The following XPO4 variants were observed in gnomAD, a reference collection of about 807,000 sequenced individuals.
XPO4 encodes the protein exportin-4.
XPO4 carries 39 observed loss-of-function variants against 143.0 expected under a neutral mutation model. That is an observed-to-expected ratio of 0.27 (90% CI 0.21 to 0.36). The LOEUF (loss-of-function observed/expected upper bound fraction) is 0.36. XPO4 is among the 10% of genes least tolerant of loss of function. The pLI, the probability that XPO4 is intolerant of heterozygous loss-of-function variation, is 1.00. For missense variants in XPO4, 907 were observed against 1,348.0 expected, an observed-to-expected ratio of 0.67 and a Z score of 5.12; for synonymous variants, 439 against 474.0, an observed-to-expected ratio of 0.93 and a Z score of 0.96.
At chr13:20,828,068 C>T (rs759578227) in intron 6 of XPO4, among the ~76,000 whole-genome samples, 3 of 152,124 alleles carry the variant, frequency 2.0e-5, no homozygotes, top group Non-Finnish European at 2.9e-5. Flanking sequence ...TGAAACCCAT[C>T]TCTACTAAAA....
At chr13:20,849,202 T>G (rs1304209641) in intron 4 of XPO4, 1 of 985,320 alleles carries the variant, frequency 1.0e-6, no homozygotes, top group Non-Finnish European at 1.2e-6. Context: ...ATAAACTTTA[T>G]GAAAGGTTGC....
intron 18 of XPO4, among the ~76,000 whole-genome samples, chr13:20,791,935 C>G (rs562644513): frequency 6.6e-6 from 1 of 152,276 alleles, no homozygotes; most frequent in Non-Finnish European, 1.5e-5. Flanking sequence ...CAGGAGTCAC[C>G]AAATGTTCCC....
chr13:20,887,001 C>T (rs915659414), intron 1 of XPO4, among the ~76,000 whole-genome samples: 1 of 151,656 alleles, frequency 6.6e-6, no homozygotes, highest in Admixed American at 6.6e-5. Context: ...ACCTGGGAGG[C>T]GGAGGTTGCA....
chr13:20,869,053 T>C (rs2060269480), intron 1 of XPO4, among the ~76,000 whole-genome samples: 1 of 152,158 alleles, frequency 6.6e-6, no homozygotes, highest in Non-Finnish European at 1.5e-5. Context: ...TTGGACTAAC[T>C]TGACCTAGTT....
At chr13:20,834,622 C>A (rs1197507290) in intron 6 of XPO4, among the ~76,000 whole-genome samples, 1 of 150,244 alleles carries the variant, frequency 6.7e-6, no homozygotes, top group African/African-American at 2.5e-5. Context: ...GCTCTGGAAA[C>A]TATAAAACAG....
At chr13:20,852,183 G>C in intron 4 of XPO4, 2 of 985,408 alleles carry the variant, frequency 2.0e-6, no homozygotes, top group Non-Finnish European at 2.4e-6. Flanking sequence ...GTCATAAATA[G>C]ATAGATCTCA....
At chr13:20,792,443 C>A (rs2059296402) in intron 18 of XPO4, among the ~76,000 whole-genome samples, 1 of 151,986 alleles carries the variant, frequency 6.6e-6, no homozygotes, top group Non-Finnish European at 1.5e-5. Flanking sequence ...AAGGCGGGCA[C>A]CTATAGTCCC....
intron 9 of XPO4, among the ~76,000 whole-genome samples, chr13:20,821,297 C>T (rs1350182875): frequency 2.2e-5 from 3 of 138,522 alleles, no homozygotes; most frequent in East Asian, 2.7e-4. Context: ...ATAAGTCCAA[C>T]GTAAAAAATT....
intron 1 of XPO4, among the ~76,000 whole-genome samples, chr13:20,881,373 A>G (rs1346851466): frequency 6.6e-6 from 1 of 151,906 alleles, no homozygotes; most frequent in East Asian, 1.9e-4. Context: ...GGTTCATGCC[A>G]TTCTCCTGCC....
chr13:20,802,343 C>A (rs2059445863), intron 13 of XPO4, among the ~76,000 whole-genome samples: 1 of 152,196 alleles, frequency 6.6e-6, no homozygotes, highest in Non-Finnish European at 1.5e-5. Flanking sequence ...CAGGCATAAA[C>A]CACCATGCCC....
chr13:20,821,310 CA>C (rs11414490), intron 9 of XPO4, among the ~76,000 whole-genome samples: 14,235 of 142,514 alleles, frequency 0.1, 811 homozygotes, highest in Non-Finnish European at 0.14. Context: ...AAAAAATTCT[CA>C]AAAAAAAAAA....
At chr13:20,812,348 AT>A (rs2059593071) in intron 9 of XPO4, among the ~76,000 whole-genome samples, 1 of 152,160 alleles carries the variant, frequency 6.6e-6, no homozygotes, top group Non-Finnish European at 1.5e-5. Flanking sequence ...ATGGCAGATC[AT>A]TGAGGATGAA....
At chr13:20,857,153 T>C (rs557197676) in intron 3 of XPO4, among the ~76,000 whole-genome samples, 6 of 152,328 alleles carry the variant, frequency 3.9e-5, no homozygotes, top group African/African-American at 9.6e-5. Flanking sequence ...AGAATATTAG[T>C]TGGCCAAAGG....
chr13:20,845,415 C>G (rs900551641), intron 4 of XPO4, among the ~76,000 whole-genome samples: 3 of 152,174 alleles, frequency 2.0e-5, no homozygotes, highest in African/African-American at 7.2e-5. Context: ...TAAACACACA[C>G]ATTTTGTAAT....
chr13:20,852,910 C>T (rs2138092916), intron 4 of XPO4: 1 of 985,366 alleles, frequency 1.0e-6, no homozygotes, highest in South Asian at 4.7e-5. Flanking sequence ...GGGATTACCA[C>T]TACTTATCAA....
At chr13:20,887,962 G>A (rs554270484) in intron 1 of XPO4, among the ~76,000 whole-genome samples, 1 of 152,076 alleles carries the variant, frequency 6.6e-6, no homozygotes, top group East Asian at 1.9e-4. Flanking sequence ...ATCACTTGAG[G>A]TCAGGAGATC....
In XPO4 at chr13:20,840,703, G is replaced by C. The variant is rs553632731; in HGVS notation, c.727+2192C>G. Among the ~76,000 whole-genome samples, 19 of 152,228 alleles carry C rather than the reference G, an allele frequency of 1.2e-4. No individual in the cohort carries two copies. The South Asian group carries it at 3.9e-3, about 32-fold the overall frequency. On this transcript the variant is annotated intron_variant, in intron 6 of 22. Transcript: ENST00000255305. ...GTTCCTTGAAATTGATTTCCCTAAT[G>C]AGTGCTAAATCTGTAGCTTAGTTTA...
At chr13:20,831,370 C>T (rs1472451027) in intron 6 of XPO4, among the ~76,000 whole-genome samples, 1 of 152,132 alleles carries the variant, frequency 6.6e-6, no homozygotes, top group Non-Finnish European at 1.5e-5. Context: ...CTGCACATTA[C>T]ATTGTTTTAT....
At chr13:20,799,381 AT>A in intron 15 of XPO4, 42 bp from the exon 16 acceptor site, 1 of 1,530,218 alleles carries the variant, frequency 6.5e-7, no homozygotes. Context: ...ATTACTATGT[AT>A]ATACATACAC....
Sources: gnomAD v4.1 joint callset for allele counts (sites outside exome capture counted in the v4.1 genomes callset) on GRCh38, gnomAD v4.1.1 for gene constraint, MANE v1.5 for transcripts, NCBI Gene and HGNC (gene_info 2026-07-23, HGNC 2026-07-21) for gene names.